CLCN3: variants seen among roughly 807,000 people sequenced by gnomAD.
CLCN3 encodes Cl-/H+ antiporter 3.
A neutral mutation model predicts 83.4 loss-of-function variants in CLCN3; 16 were observed. The ratio of observed to expected loss-of-function variants is 0.19; its 90% CI spans 0.13 to 0.29. CLCN3 has a LOEUF of 0.29. CLCN3 is among the 10% of genes least tolerant of loss of function. The pLI, the probability that CLCN3 is intolerant of heterozygous loss-of-function variation, is 1.00. For missense variants in CLCN3, 544 were observed against 1,006.0 expected, an observed-to-expected ratio of 0.54 and a Z score of 6.21; for synonymous variants, 322 against 346.2, an observed-to-expected ratio of 0.93 and a Z score of 0.78.
chr4:169,699,176 G>T (rs1048570461), intron 9 of CLCN3, among the ~76,000 whole-genome samples: 1 of 152,028 alleles, frequency 6.6e-6, no homozygotes, highest in African/African-American at 2.4e-5. Context: ...ACCAGTATAG[G>T]GTATTAGCTT....
chr4:169,669,070 T>C (rs1380261130), intron 2 of CLCN3, among the ~76,000 whole-genome samples: 1 of 151,786 alleles, frequency 6.6e-6, no homozygotes, highest in Non-Finnish European at 1.5e-5. Context: ...GGGAAGGAGA[T>C]ACCAAGTGGG....
intron 12 of CLCN3, 46 bp downstream of exon 12, chr4:169,713,341 A>C: frequency 6.9e-7 from 1 of 1,453,592 alleles, no homozygotes; most frequent in Non-Finnish European, 9.7e-7. Context: ...AGAATATAGG[A>C]TCCTTTTTAG....
At chr4:169,650,453 A>G (rs1455770040) in intron 2 of CLCN3, among the ~76,000 whole-genome samples, 1 of 152,216 alleles carries the variant, frequency 6.6e-6, no homozygotes, top group Non-Finnish European at 1.5e-5. Flanking sequence ...GCATTTTCCA[A>G]TAACATTGGT....
rs6812419 is a variant in CLCN3, at chr4:169,674,041, T to C, written c.161-6009T>C. Among the ~76,000 whole-genome samples, 1,032 of 152,332 alleles carry C rather than the reference T, an allele frequency of 6.8e-3. 8 individuals carry two copies. Among genetic ancestry groups the C allele is most frequent in the African/African-American group, 0.024 (979 of 41,572 alleles). The stretch of plus-strand genomic sequence containing the variant: ...GAACATTTACATTGATACCATACTA[T>C]GACATGATCTGCAGACCATTTTCCA... On this transcript the variant is annotated intron_variant, in intron 2 of 12. Coordinates refer to ENST00000513761, the MANE Select transcript of CLCN3 (RefSeq NM_001829.4).
At chr4:169,656,039 T>C (rs987413743) in intron 2 of CLCN3, among the ~76,000 whole-genome samples, 2 of 152,156 alleles carry the variant, frequency 1.3e-5, no homozygotes, top group African/African-American at 4.8e-5. Flanking sequence ...AGTTTATTGA[T>C]TGTCCCCCAG....
intron 9 of CLCN3, 59 bp from the exon 10 acceptor site, chr4:169,703,939 A>C: frequency 6.7e-7 from 1 of 1,481,598 alleles, no homozygotes. Flanking sequence ...ATAGAATGTA[A>C]GTTTCAGGCA....
At chr4:169,649,505 G>A (rs947291124) in intron 2 of CLCN3, among the ~76,000 whole-genome samples, 27 of 152,206 alleles carry the variant, frequency 1.8e-4, no homozygotes, top group African/African-American at 5.8e-4. Flanking sequence ...GGTAGTGATA[G>A]AGAGTAGAGA....
chr4:169,630,252 T>C (rs1180682619), intron 1 of CLCN3, among the ~76,000 whole-genome samples: 1 of 152,214 alleles, frequency 6.6e-6, no homozygotes, highest in Non-Finnish European at 1.5e-5. Flanking sequence ...GGTATAGTGC[T>C]CAACAGTTTT....
chr4:169,639,024 T>C (rs953319223), intron 2 of CLCN3, among the ~76,000 whole-genome samples: 3 of 152,138 alleles, frequency 2.0e-5, no homozygotes, highest in Admixed American at 6.5e-5. Flanking sequence ...TAGGCAACCA[T>C]TGGTGTTTTC....
chr4:169,678,122 A>AT (rs1371742837), intron 2 of CLCN3, among the ~76,000 whole-genome samples: 2 of 152,236 alleles, frequency 1.3e-5, no homozygotes, highest in African/African-American at 2.4e-5. Context: ...TCTAAGGGTT[A>AT]TTGTTTCTAC....
chr4:169,707,763 C>G (rs1301463887), intron 11 of CLCN3, among the ~76,000 whole-genome samples: 2 of 152,086 alleles, frequency 1.3e-5, no homozygotes, highest in Non-Finnish European at 2.9e-5. Flanking sequence ...TTTAAAGTGA[C>G]AATCACTGAG....
chr4:169,665,981 T>G (rs1731230118), intron 2 of CLCN3, among the ~76,000 whole-genome samples: 1 of 100,038 alleles, frequency 1.0e-5, no homozygotes. Context: ...GGTTGTGTTG[T>G]TTTTTTTTTT....
At chr4:169,695,864 C>T (rs558481191) in intron 8 of CLCN3, among the ~76,000 whole-genome samples, 172 bp downstream of exon 8, 14 of 152,240 alleles carry the variant, frequency 9.2e-5, no homozygotes, top group Admixed American at 9.2e-4. Context: ...ATTCATGCTC[C>T]ATACCTGGAG....
At chr4:169,709,020 T>C (rs1391543642) in intron 11 of CLCN3, among the ~76,000 whole-genome samples, 4 of 148,288 alleles carry the variant, frequency 2.7e-5, no homozygotes, top group Admixed American at 6.8e-5. Context: ...CTATATCCTC[T>C]ATAAAAAAAC....
In CLCN3 at chr4:169,697,186, T is replaced by C; in HGVS notation, c.1018-3T>C. ...ATTTTTCTTTTCCTTTTCTTTTTTT[T>C]AGGTTAGCTATTATTTTCCTCTCAA... is the stretch of plus-strand genomic sequence containing the variant. On this transcript the variant is annotated splice_polypyrimidine_tract_variant and splice_region_variant and intron_variant, in intron 8 of 12. Coordinates refer to ENST00000513761, the MANE Select transcript of CLCN3 (RefSeq NM_001829.4). 6.5e-7 allele frequency: 1 copy of C among 1,549,550 alleles called. No homozygotes were observed. The highest frequency in any genetic ancestry group is 1.2e-5 in the South Asian group (1 of 80,966).
chr4:169,661,919 T>G (rs1731071223), intron 2 of CLCN3, among the ~76,000 whole-genome samples: 1 of 152,148 alleles, frequency 6.6e-6, no homozygotes, highest in South Asian at 2.1e-4. Context: ...AAATGTCACA[T>G]TATTTGCTAA....
intron 2 of CLCN3, among the ~76,000 whole-genome samples, chr4:169,673,389 T>C (rs1013414406): frequency 5.3e-5 from 8 of 152,228 alleles, no homozygotes; most frequent in Non-Finnish European, 7.3e-5. Flanking sequence ...TGTACCTTTT[T>C]CTACCTCATA....
intron 5 of CLCN3, among the ~76,000 whole-genome samples, 164 bp from the exon 6 acceptor site, chr4:169,690,366 G>A (rs1292741104): frequency 6.6e-6 from 1 of 151,962 alleles, no homozygotes; most frequent in Non-Finnish European, 1.5e-5. Context: ...AGCTAGTCTC[G>A]AACTCCTGAC....
At position 169,620,744 on chromosome 4, in the gene CLCN3, A is replaced by T. The variant is rs147327875; in HGVS notation, c.-336A>T. On this transcript the variant is annotated 5_prime_UTR_variant, in exon 1 of 13. The change creates a new upstream start codon in the 5' untranslated region. Transcript: ENST00000513761. ...GAGCATGGATTCAGTTTTAGTCTTA[A>T]GGGGGAAGTGAGATTGGAGATTTTT... 2.5e-6 allele frequency: 1 copy of T among 398,612 alleles called. No individual in the cohort carries two copies. The highest frequency in any genetic ancestry group is 3.6e-5 in the East Asian group (1 of 28,074). The allele number at this position is 398,612 out of a possible 1,614,324, so 24.7% of individuals were successfully genotyped here. A position where few individuals can be genotyped will look rare whatever the true frequency, so the allele number is the denominator to read the frequency against.
Sources: allele counts gnomAD v4.1 joint callset (sites outside exome capture counted in the v4.1 genomes callset), GRCh38; gene constraint gnomAD v4.1.1; transcripts MANE v1.5; gene names NCBI Gene and HGNC (gene_info 2026-07-23, HGNC 2026-07-21).